SUSD1: variants seen among roughly 807,000 people sequenced by gnomAD.
SUSD1 encodes the protein sushi domain containing 1.
Under a neutral mutation model 86.9 loss-of-function variants are expected in SUSD1, and 65 were observed. That is an observed-to-expected ratio of 0.75 (90% CI 0.61 to 0.92). The LOEUF is 0.92. Ranked by LOEUF, SUSD1 falls within the 40% of genes least tolerant of loss-of-function variation. SUSD1 has a pLI of 0.00. For missense variants in SUSD1, 850 were observed against 929.7 expected, an observed-to-expected ratio of 0.91 and a Z score of 1.11; for synonymous variants, 346 against 350.0, an observed-to-expected ratio of 0.99 and a Z score of 0.13.
At chr9:112,119,736 G>A (rs1358509243) in intron 6 of SUSD1, among the ~76,000 whole-genome samples, 1 of 152,160 alleles carries the variant, frequency 6.6e-6, no homozygotes, top group Admixed American at 6.5e-5. Context: ...ACACGAAAGT[G>A]ATTGCCTAAT....
At chr9:112,084,835 C>T (rs951794441) in intron 10 of SUSD1, among the ~76,000 whole-genome samples, 2 of 152,094 alleles carry the variant, frequency 1.3e-5, no homozygotes, top group Admixed American at 1.3e-4. Flanking sequence ...ATCTAGAATC[C>T]TGAAGTTGAA....
intron 1 of SUSD1, among the ~76,000 whole-genome samples, chr9:112,171,701 A>T (rs1223886722): frequency 6.6e-6 from 1 of 151,732 alleles, no homozygotes; most frequent in African/African-American, 2.4e-5. Context: ...CCCCACTTAT[A>T]GCCCAAGTTT....
chr9:112,091,048 C>G (rs1171135677), intron 10 of SUSD1, among the ~76,000 whole-genome samples: 5 of 152,172 alleles, frequency 3.3e-5, no homozygotes, highest in Non-Finnish European at 7.3e-5. Flanking sequence ...TACAAGGTCA[C>G]TAACTTATCT....
chr9:112,162,403 A>T (rs1183250154), intron 1 of SUSD1, among the ~76,000 whole-genome samples: 2 of 152,216 alleles, frequency 1.3e-5, no homozygotes, highest in South Asian at 2.1e-4. Flanking sequence ...AGCTTTAGAG[A>T]ACAAGTAACT....
Position 112,064,147 on chromosome 9 carries a change from A to G in SUSD1, c.1754-1114T>C, listed in dbSNP as rs191059555. On this transcript the variant is annotated intron_variant, in intron 12 of 16. Transcript: ENST00000374270. ...AGGCAAACCTGAGTCACCTGCCTGA[A>G]GCCTGGTCTACATTTGCCCTATAGC... is the stretch of plus-strand genomic sequence containing the variant. Among the ~76,000 whole-genome samples the G allele has an allele frequency of 2.1e-3, 323 of 152,130 alleles. 1 individual carries two copies. The highest frequency in any genetic ancestry group is 3.4e-3 in the Non-Finnish European group (233 of 67,998).
chr9:112,114,290 C>G (rs768241683), intron 6 of SUSD1, among the ~76,000 whole-genome samples: 14 of 152,260 alleles, frequency 9.2e-5, no homozygotes, highest in Middle Eastern at 3.4e-3. Flanking sequence ...CAAGACCAGC[C>G]TGGCTAACAT....
At chr9:112,158,213 G>A (rs915431317) in intron 1 of SUSD1, among the ~76,000 whole-genome samples, 1 of 149,006 alleles carries the variant, frequency 6.7e-6, no homozygotes, top group Non-Finnish European at 1.5e-5. Flanking sequence ...CTTGCCAGAT[G>A]TCAGAGGCTA....
intron 13 of SUSD1, 115 bp from the exon 14 acceptor site, chr9:112,058,801 T>C (rs1828575346): frequency 2.2e-6 from 3 of 1,349,050 alleles, no homozygotes. Context: ...TTTTTTGTTT[T>C]TTGTTTTTTT....
intron 8 of SUSD1, among the ~76,000 whole-genome samples, chr9:112,104,281 G>A (rs1830744457): frequency 6.6e-6 from 1 of 151,838 alleles, no homozygotes; most frequent in African/African-American, 2.4e-5. Context: ...GTCTCCCAAA[G>A]TGCTGGGATT....
chr9:112,080,647 C>CACT (rs1313396413), intron 10 of SUSD1, among the ~76,000 whole-genome samples: 1 of 148,244 alleles, frequency 6.7e-6, no homozygotes, highest in Admixed American at 6.7e-5. Flanking sequence ...GAGATTGTGC[C>CACT]ACTGCACTCC....
intron 2 of SUSD1, among the ~76,000 whole-genome samples, chr9:112,150,503 G>GT (rs111666504): frequency 1.6e-4 from 24 of 152,242 alleles, no homozygotes; most frequent in African/African-American, 5.3e-4. Flanking sequence ...ATCTGGGTGG[G>GT]TTTTTTATTA....
intron 10 of SUSD1, among the ~76,000 whole-genome samples, chr9:112,085,881 C>T (rs376112392): frequency 1.1e-4 from 16 of 151,994 alleles, no homozygotes; most frequent in African/African-American, 3.4e-4. Context: ...TGCAGTAAGC[C>T]GAGATTGCAC....
At chr9:112,171,534 G>A (rs796636979) in intron 1 of SUSD1, among the ~76,000 whole-genome samples, 11 of 152,308 alleles carry the variant, frequency 7.2e-5, no homozygotes, top group African/African-American at 2.6e-4. Context: ...GTGCTGTAAA[G>A]AGAAGCGGAT....
intron 16 of SUSD1, 141 bp from the exon 17 acceptor site, chr9:112,041,633 T>A: frequency 1.4e-6 from 1 of 715,328 alleles, no homozygotes; most frequent in Non-Finnish European, 2.6e-6. Context: ...CACCCCTCTG[T>A]GTGTGGCCAG....
chr9:112,135,109 A>G (rs2131725802), intron 5 of SUSD1, among the ~76,000 whole-genome samples: 1 of 152,272 alleles, frequency 6.6e-6, no homozygotes, highest in East Asian at 1.9e-4. Context: ...ATAAAAGAAA[A>G]ATGGGAGGGT....
chr9:112,078,726 T>C lies in SUSD1; in HGVS notation c.1567-2A>G, dbSNP rs371459288. On this transcript the variant is annotated splice_acceptor_variant, in intron 11 of 16. Coordinates refer to ENST00000374270, the MANE Select transcript of SUSD1 (RefSeq NM_022486.5). LOFTEE classifies it high-confidence loss of function. ...CCATCTCTGGCCCCAAATGTGGAAC[T>C]GAAACATAAAAAAGCTCACTGGGTG... 4.4e-5 allele frequency: 70 copies of C among 1,608,898 alleles called. No homozygotes were observed. The highest frequency in any genetic ancestry group is 5.6e-5 in the Non-Finnish European group (66 of 1,175,896).
At chr9:112,098,375 G>T in intron 10 of SUSD1, 95 bp downstream of exon 10, 1 of 1,284,002 alleles carries the variant, frequency 7.8e-7, no homozygotes, top group Non-Finnish European at 1.1e-6. Context: ...CCTGTCTCTT[G>T]ACTCCCAAAC....
intron 2 of SUSD1, among the ~76,000 whole-genome samples, chr9:112,154,333 CACAA>C (rs1284646328): frequency 1.9e-5 from 2 of 104,132 alleles, no homozygotes; most frequent in African/African-American, 8.4e-5. Flanking sequence ...CACACACACA[CACAA>C]AAAAAAAAAA....
At chr9:112,166,725 T>C (rs1370192202) in intron 1 of SUSD1, among the ~76,000 whole-genome samples, 1 of 152,050 alleles carries the variant, frequency 6.6e-6, no homozygotes, top group Non-Finnish European at 1.5e-5. Flanking sequence ...GGTACCCACG[T>C]CAAGGATGGC....
Sources: allele counts gnomAD v4.1 joint callset (sites outside exome capture counted in the v4.1 genomes callset), GRCh38; gene constraint gnomAD v4.1.1; transcripts MANE v1.5; gene names NCBI Gene and HGNC (gene_info 2026-07-23, HGNC 2026-07-21).